The following COL6A6 variants were observed in gnomAD, a reference collection of about 807,000 sequenced individuals.
The protein encoded by COL6A6 is collagen alpha-6(VI) chain.
In COL6A6, 183 loss-of-function variants were observed where a neutral mutation model predicts 208.6. The observed-to-expected ratio is 0.88, with a 90% CI of 0.78 to 0.99. The LOEUF (loss-of-function observed/expected upper bound fraction) is 0.99. Among genes scored for constraint, COL6A6 ranks in the 50% least tolerant of loss-of-function variants. The pLI is 0.00. For synonymous variants in COL6A6, 973 were observed against 1,011.8 expected (o/e 0.96, Z 0.73); for missense variants, 2,816 against 2,815.2 (o/e 1.00, Z -0.01).
intron 7 of COL6A6, among the ~76,000 whole-genome samples, chr3:130,572,113 G>A (rs188246391): frequency 6.6e-6 from 1 of 152,238 alleles, no homozygotes; most frequent in East Asian, 1.9e-4. Context: ...ATTGCCTGAA[G>A]TCTTCTTTCC....
intron 1 of COL6A6, among the ~76,000 whole-genome samples, chr3:130,551,795 A>T (rs1415646553): frequency 1.3e-5 from 2 of 152,070 alleles, no homozygotes; most frequent in Non-Finnish European, 2.9e-5. Context: ...GTGGGTGTTT[A>T]GTGCTATAAA....
In COL6A6 at chr3:130,532,305, G is replaced by T. The variant is rs2062115622; in HGVS notation, c.-32+14908G>T. 2.6e-5 allele frequency among the ~76,000 whole-genome samples: 4 copies of T among 152,162 alleles called. 1 individual carries two copies. In the South Asian group the frequency reaches 8.3e-4, roughly 32 times the overall value. On this transcript the variant is annotated intron_variant, in intron 1 of 36. Transcript: ENST00000358511. Reference sequence around the variant, plus strand: ...TTTTCCTTCAGAACTTATTAAAGCAGCCACTTTACAGAAAAATAGTTTCTG... The same window carrying T: ...TTTTCCTTCAGAACTTATTAAAGCATCCACTTTACAGAAAAATAGTTTCTG...
At chr3:130,526,280 AG>A (rs2061960267) in intron 1 of COL6A6, among the ~76,000 whole-genome samples, 1 of 152,044 alleles carries the variant, frequency 6.6e-6, no homozygotes, top group Non-Finnish European at 1.5e-5. Context: ...GAAGTCGGGT[AG>A]GGGGACACTT....
At chr3:130,666,056 A>G (rs2066067478) in intron 36 of COL6A6, among the ~76,000 whole-genome samples, 1 of 152,176 alleles carries the variant, frequency 6.6e-6, no homozygotes, top group African/African-American at 2.4e-5. Flanking sequence ...CCAATGGACA[A>G]TTCCAGAATC....
intron 8 of COL6A6, 60 bp downstream of exon 8, chr3:130,574,585 C>T: frequency 7.1e-7 from 1 of 1,402,428 alleles, no homozygotes. Context: ...GCATTTTCTT[C>T]CAGCTCCATT....
Position 130,563,101 on chromosome 3 carries a change from A to G in COL6A6, c.98A>G (p.Asp33Gly), listed in dbSNP as rs1345513921. The G allele has an allele frequency of 6.2e-7, 1 of 1,613,532 alleles. No individual in the cohort carries two copies. The highest frequency in any genetic ancestry group is 8.5e-7 in the Non-Finnish European group (1 of 1,179,662). The change falls in exon 3 of 37, where the codon GAC becomes GGC. Residue 33 changes from aspartate to glycine, a missense_variant. Physicochemically the swap from Asp to Gly is moderately conservative, Grantham distance 94. Transcript: ENST00000358511. ...PEYADVVFLV[D>G]SSDRLGSKSF... is the part of the protein sequence containing the mutation. ...TATGCAGATGTTGTGTTTTTGGTGG[A>G]CAGCTCTGATCGCCTGGGATCCAAG...
chr3:130,656,294 C>T (rs777109832), intron 33 of COL6A6, among the ~76,000 whole-genome samples: 7 of 152,198 alleles, frequency 4.6e-5, no homozygotes, highest in Non-Finnish European at 8.8e-5. Context: ...GGTACACAGA[C>T]AAGTGGAGGG....
chr3:130,655,105 T>C (rs1337386525), intron 33 of COL6A6, among the ~76,000 whole-genome samples: 4 of 152,152 alleles, frequency 2.6e-5, no homozygotes, highest in African/African-American at 4.8e-5. Context: ...GTTATGTATC[T>C]TGCAAGCTCC....
In COL6A6 at chr3:130,577,038, A is replaced by G. The variant is rs116766416; in HGVS notation, c.3547+2513A>G. 3.3e-3 allele frequency among the ~76,000 whole-genome samples: 504 copies of G among 152,326 alleles called. 2 individuals carry two copies. Among genetic ancestry groups the G allele is most frequent in the Non-Finnish European group, 3.8e-3 (261 of 68,024 alleles). ...CTCTAATTGTATACTGTGATTCAAC[A>G]TATGTGAAAGGGAGGTCAGACGCAT... On this transcript the variant is annotated intron_variant, in intron 8 of 36. Coordinates refer to ENST00000358511, the MANE Select transcript of COL6A6 (RefSeq NM_001102608.3).
rs2066339074 is a variant in COL6A6, at chr3:130,675,550, T to C, written c.*153T>C. 1 of 534,906 alleles carries C rather than the reference T, an allele frequency of 1.9e-6. No homozygotes were observed. 33.1% of individuals were successfully genotyped at this position (534,906 alleles called of 1,614,324 possible). A position where few individuals can be genotyped will look rare whatever the true frequency, so the allele number is the denominator to read the frequency against. On this transcript the variant is annotated 3_prime_UTR_variant, in exon 37 of 37. Coordinates refer to ENST00000358511, the MANE Select transcript of COL6A6 (RefSeq NM_001102608.3). ...TTGGTATTAAGATATATCTTGTTCATTTATTTGACCACTCCTGACAATTCC... is the reference window on the plus strand; with the variant it reads ...TTGGTATTAAGATATATCTTGTTCACTTATTTGACCACTCCTGACAATTCC...
At chr3:130,556,600 TTTTTC>T (rs554494825) in intron 1 of COL6A6, among the ~76,000 whole-genome samples, 381 of 152,322 alleles carry the variant, frequency 2.5e-3, no homozygotes, top group African/African-American at 8.6e-3. Flanking sequence ...TGTTCTGAGA[TTTTTC>T]TTTTCAAAGA....
chr3:130,658,633 G>A, intron 33 of COL6A6, 43 bp from the exon 34 acceptor site: 1 of 1,339,220 alleles, frequency 7.5e-7, no homozygotes, highest in African/African-American at 1.4e-5. Context: ...GGTTCTTGCA[G>A]CCCTACCCAC....
intron 24 of COL6A6, among the ~76,000 whole-genome samples, chr3:130,622,201 C>CT (rs2064742369): frequency 3.7e-5 from 5 of 133,568 alleles, no homozygotes; most frequent in East Asian, 2.4e-4. Flanking sequence ...CTCCCCCCGC[C>CT]TACCCCCCCC....
chr3:130,606,796 G>T, intron 20 of COL6A6, 135 bp from the exon 21 acceptor site: 1 of 588,914 alleles, frequency 1.7e-6, no homozygotes, highest in Non-Finnish European at 2.9e-6. Flanking sequence ...TGGTACAGTG[G>T]AAAATTGAAT....
At chr3:130,614,645 T>C (rs1008019526) in intron 23 of COL6A6, among the ~76,000 whole-genome samples, 8 of 152,206 alleles carry the variant, frequency 5.3e-5, no homozygotes, top group Middle Eastern at 3.4e-3. Flanking sequence ...GTCCTGGCTG[T>C]TTTTTGGTTG....
intron 17 of COL6A6, among the ~76,000 whole-genome samples, chr3:130,593,827 C>G (rs560650991): frequency 4.3e-4 from 66 of 152,068 alleles, no homozygotes; most frequent in Non-Finnish European, 8.4e-4. Flanking sequence ...GTCAGTGGTG[C>G]CAGGCAGCAC....
At position 130,591,108 on chromosome 3, in the gene COL6A6, C is replaced by G. The variant is rs898894013; in HGVS notation, c.4272+14C>G. On this transcript the variant is annotated intron_variant, in intron 13 of 36. Coordinates refer to ENST00000358511, the MANE Select transcript of COL6A6 (RefSeq NM_001102608.3). ...GAGGGAATCGCTGTAAGTCAGGGCT[C>G]TTTTTTACCTCCATTTATCCCTAAA... 19 of 1,562,220 alleles carry G rather than the reference C, an allele frequency of 1.2e-5. No individual in the cohort carries two copies. The highest frequency in any genetic ancestry group is 4.6e-5 in the East Asian group (2 of 43,546).
intron 25 of COL6A6, 71 bp downstream of exon 25, chr3:130,626,618 C>A: frequency 9.6e-7 from 1 of 1,046,964 alleles, no homozygotes; most frequent in South Asian, 1.3e-5. Context: ...TGGTGTGGTT[C>A]TCTGAAGAGA....
chr3:130,635,104 G>A (rs1332027824), intron 27 of COL6A6, among the ~76,000 whole-genome samples: 1 of 152,012 alleles, frequency 6.6e-6, no homozygotes, highest in Non-Finnish European at 1.5e-5. Context: ...GCGTGGTGGT[G>A]CATGCCTGTA....
Sources: allele counts gnomAD v4.1 joint callset (sites outside exome capture counted in the v4.1 genomes callset), GRCh38; gene constraint gnomAD v4.1.1; transcripts MANE v1.5; gene names NCBI Gene and HGNC (gene_info 2026-07-23, HGNC 2026-07-21).